Variants in CCDC171 observed in about 807,000 individuals in gnomAD.
The protein encoded by CCDC171 is coiled-coil domain-containing protein 171.
CCDC171 carries 177 observed loss-of-function variants against 168.2 expected under a neutral mutation model. The ratio of observed to expected loss-of-function variants is 1.05; its 90% CI spans 0.93 to 1.19. CCDC171 has a LOEUF of 1.19. Among genes scored for constraint, CCDC171 ranks in the 50% most tolerant of loss-of-function variants. The pLI, the probability that CCDC171 is intolerant of heterozygous loss-of-function variation, is 0.00. For synonymous variants in CCDC171, 687 were observed against 540.8 expected (o/e 1.27, Z -3.75); for missense variants, 1,991 against 1,539.0 (o/e 1.29, Z -4.91).
chr9:15,591,510 A>T lies in CCDC171; in HGVS notation c.497A>T (p.Tyr166Phe). The T allele has an allele frequency of 1.2e-6, 2 of 1,600,298 alleles. No individual in the cohort carries two copies. Among genetic ancestry groups the T allele is most frequent in the Non-Finnish European group, 1.7e-6 (2 of 1,174,012 alleles). ...DNMIQNCNRE[Y>F]DLLMKEKSRL... ...ATGATCCAAAATTGCAATCGAGAATATGATTTACTTATGAAAGAAAAAAGC... is the reference window on the plus strand; with the variant it reads ...ATGATCCAAAATTGCAATCGAGAATTTGATTTACTTATGAAAGAAAAAAGC... The change falls in exon 5 of 26, where the codon TAT becomes TTT. Residue 166 changes from tyrosine to phenylalanine, a missense_variant. By Grantham distance (22) the Tyr-to-Phe change is conservative. Coordinates refer to ENST00000380701, the MANE Select transcript of CCDC171 (RefSeq NM_173550.4).
intron 3 of CCDC171, among the ~76,000 whole-genome samples, chr9:15,993,511 TAC>T (rs1371307180): frequency 5.3e-5 from 8 of 152,178 alleles, no homozygotes; most frequent in African/African-American, 1.7e-4. Flanking sequence ...ACCTAGGCAG[TAC>T]CATTCAGGAC....
intron 9 of CCDC171, among the ~76,000 whole-genome samples, chr9:15,667,967 A>G: frequency 6.6e-6 from 1 of 152,288 alleles, no homozygotes; most frequent in South Asian, 2.1e-4. Flanking sequence ...ATACATTTGA[A>G]TGTATTCAAA....
intron 7 of CCDC171, among the ~76,000 whole-genome samples, chr9:15,637,564 A>G (rs2132447312): frequency 6.6e-6 from 1 of 150,998 alleles, no homozygotes; most frequent in South Asian, 2.1e-4. Flanking sequence ...GGTGTGCTGC[A>G]CCCATTAACT....
chr9:15,628,715 C>T (rs2045394504), intron 7 of CCDC171, among the ~76,000 whole-genome samples: 1 of 152,220 alleles, frequency 6.6e-6, no homozygotes, highest in Admixed American at 6.5e-5. Flanking sequence ...TGAGAATGGG[C>T]AGACTGCCTC....
chr9:15,847,358 A>G (rs932267012), intron 22 of CCDC171, among the ~76,000 whole-genome samples: 1 of 152,108 alleles, frequency 6.6e-6, no homozygotes, highest in Non-Finnish European at 1.5e-5. Context: ...TAATTTTTAT[A>G]GCTGTATATT....
intron 21 of CCDC171, among the ~76,000 whole-genome samples, chr9:15,786,945 C>T (rs756402993): frequency 2.0e-5 from 3 of 152,112 alleles, no homozygotes; most frequent in Non-Finnish European, 4.4e-5. Flanking sequence ...TCCTATCTCC[C>T]TTCACTGATT....
chr9:15,855,762 A>C (rs2061326687), intron 23 of CCDC171, among the ~76,000 whole-genome samples: 1 of 151,888 alleles, frequency 6.6e-6, no homozygotes, highest in Non-Finnish European at 1.5e-5. Flanking sequence ...AATTCAAAAC[A>C]ATCTTGTTTG....
intron 23 of CCDC171, among the ~76,000 whole-genome samples, chr9:15,861,192 C>A (rs2061541771): frequency 6.9e-6 from 1 of 145,866 alleles, no homozygotes. Flanking sequence ...AAATGAGTTT[C>A]TCATAGACAG....
chr9:15,597,809 G>C (rs567556690), intron 6 of CCDC171, among the ~76,000 whole-genome samples: 1 of 152,022 alleles, frequency 6.6e-6, no homozygotes, highest in Non-Finnish European at 1.5e-5. Flanking sequence ...ATTAATTATT[G>C]CCTCAATTTC....
intron 7 of CCDC171, among the ~76,000 whole-genome samples, chr9:15,643,122 G>T (rs988846843): frequency 6.6e-6 from 1 of 151,894 alleles, no homozygotes; most frequent in African/African-American, 2.4e-5. Context: ...GGTTACATGA[G>T]TAAGTTCTTT....
At chr9:15,662,151 C>T (rs1376609006) in intron 8 of CCDC171, among the ~76,000 whole-genome samples, 1 of 152,098 alleles carries the variant, frequency 6.6e-6, no homozygotes, top group Non-Finnish European at 1.5e-5. Flanking sequence ...GTGGCGCATG[C>T]CTGTAGTCCC....
intron 1 of CCDC171, among the ~76,000 whole-genome samples, chr9:15,560,742 A>C (rs1357501712): frequency 6.6e-6 from 1 of 152,134 alleles, no homozygotes; most frequent in African/African-American, 2.4e-5. Context: ...AACTCATCAA[A>C]GTCATTCCCA....
chr9:15,618,025 G>A lies in CCDC171; in HGVS notation c.676-5242G>A, dbSNP rs754931769. Among the ~76,000 whole-genome samples, 5 of 152,306 alleles carry A rather than the reference G, an allele frequency of 3.3e-5. No homozygotes were observed. The South Asian group carries it at 1.0e-3, about 32-fold the overall frequency. On this transcript the variant is annotated intron_variant, in intron 6 of 25. Transcript: ENST00000380701. ...GGAGGCAGTCTGTCCTTAGGAGTGCGGGTGCGCTGTGCTGGGAGAATCCCC... is the reference window on the plus strand; with the variant it reads ...GGAGGCAGTCTGTCCTTAGGAGTGCAGGTGCGCTGTGCTGGGAGAATCCCC...
intron 7 of CCDC171, among the ~76,000 whole-genome samples, chr9:15,654,574 A>G (rs769083397): frequency 2.1e-4 from 32 of 152,338 alleles, no homozygotes; most frequent in Middle Eastern, 6.8e-3. Context: ...ATTGTGATCC[A>G]TTACCATCTT....
chr9:15,834,369 C>G (rs1191233012), intron 21 of CCDC171, among the ~76,000 whole-genome samples: 2 of 152,044 alleles, frequency 1.3e-5, no homozygotes, highest in African/African-American at 4.8e-5. Context: ...AATTTTACCC[C>G]ATGTGGGGAT....
At chr9:15,637,591 G>A (rs1345656543) in intron 7 of CCDC171, among the ~76,000 whole-genome samples, 1 of 150,652 alleles carries the variant, frequency 6.6e-6, no homozygotes, top group Non-Finnish European at 1.5e-5. Flanking sequence ...TTAGCATTAG[G>A]TGTATCTCCT....
intron 23 of CCDC171, among the ~76,000 whole-genome samples, chr9:15,853,800 A>C (rs938401941): frequency 6.6e-6 from 1 of 151,528 alleles, no homozygotes; most frequent in Non-Finnish European, 1.5e-5. Context: ...TGTTTTTATG[A>C]AAAGGAATTC....
chr9:15,912,354 A>T (rs547329735), intron 24 of CCDC171, among the ~76,000 whole-genome samples: 5 of 151,948 alleles, frequency 3.3e-5, no homozygotes, highest in Admixed American at 1.3e-4. Flanking sequence ...CTGTTTGTCT[A>T]TTATTGGTGT....
chr9:15,609,210 C>T (rs1399703599), intron 6 of CCDC171, among the ~76,000 whole-genome samples: 4 of 151,822 alleles, frequency 2.6e-5, no homozygotes, highest in African/African-American at 9.7e-5. Context: ...AGCGATTCTC[C>T]TGCCTCAGCC....
Sources: allele counts gnomAD v4.1 joint callset (sites outside exome capture counted in the v4.1 genomes callset), GRCh38; gene constraint gnomAD v4.1.1; transcripts MANE v1.5; gene names NCBI Gene and HGNC (gene_info 2026-07-23, HGNC 2026-07-21).